The following SNTG1 variants were observed in gnomAD, a reference collection of about 807,000 sequenced individuals.
The protein encoded by SNTG1 is syntrophin gamma 1.
In SNTG1, 39 loss-of-function variants were observed where a neutral mutation model predicts 74.7. That is an observed-to-expected ratio of 0.52 (90% CI 0.40 to 0.68). The LOEUF (loss-of-function observed/expected upper bound fraction) is 0.68, where lower values mean the gene tolerates loss of function less well. Ranked by LOEUF, SNTG1 falls within the 30% of genes least tolerant of loss-of-function variation. The pLI, the probability that SNTG1 is intolerant of heterozygous loss-of-function variation, is 0.00. For synonymous variants in SNTG1, 254 were observed against 217.1 expected (o/e 1.17, Z -1.49); for missense variants, 685 against 609.5 (o/e 1.12, Z -1.30).
intron 1 of SNTG1, among the ~76,000 whole-genome samples, chr8:49,975,888 T>A (rs1258979135): frequency 6.6e-6 from 1 of 152,136 alleles, no homozygotes; most frequent in Admixed American, 6.5e-5. Flanking sequence ...TCTTCAACAT[T>A]TTTTCCTACT....
intron 13 of SNTG1, among the ~76,000 whole-genome samples, chr8:50,630,219 T>C (rs1489152618): frequency 6.6e-6 from 1 of 152,114 alleles, no homozygotes; most frequent in Non-Finnish European, 1.5e-5. Flanking sequence ...TTTCTATTAT[T>C]GAGTGATAAA....
intron 15 of SNTG1, among the ~76,000 whole-genome samples, chr8:50,676,127 T>C (rs772120680): frequency 2.6e-5 from 4 of 151,972 alleles, no homozygotes; most frequent in African/African-American, 7.2e-5. Context: ...TATCTTCTCA[T>C]AGAGTATCTT....
chr8:50,731,380 C>A (rs142763761), intron 17 of SNTG1, among the ~76,000 whole-genome samples: 2 of 152,166 alleles, frequency 1.3e-5, no homozygotes, highest in African/African-American at 2.4e-5. Flanking sequence ...GACAAATTGG[C>A]ATATTTTTTT....
intron 8 of SNTG1, among the ~76,000 whole-genome samples, chr8:50,481,889 G>A (rs2093743807): frequency 6.6e-6 from 1 of 152,128 alleles, no homozygotes; most frequent in Admixed American, 6.5e-5. Context: ...TCAGTTTTGT[G>A]ATTTCTGCAG....
intron 2 of SNTG1, among the ~76,000 whole-genome samples, chr8:50,264,149 C>T (rs1292372513): frequency 6.6e-6 from 1 of 152,132 alleles, no homozygotes; most frequent in Non-Finnish European, 1.5e-5. Context: ...AATTAAAACA[C>T]TGCATACCAA....
chr8:50,030,381 C>T (rs901069617), intron 1 of SNTG1, among the ~76,000 whole-genome samples: 3 of 151,926 alleles, frequency 2.0e-5, no homozygotes, highest in Non-Finnish European at 4.4e-5. Flanking sequence ...GCCTTGGTCG[C>T]TGTGCTTTTG....
chr8:50,136,752 G>T (rs193064109), intron 1 of SNTG1, among the ~76,000 whole-genome samples: 12 of 152,098 alleles, frequency 7.9e-5, no homozygotes, highest in South Asian at 2.1e-4. Flanking sequence ...GACTTACCTT[G>T]TGTAAAAGGA....
At chr8:50,736,270 A>T (rs548406924) in intron 17 of SNTG1, among the ~76,000 whole-genome samples, 1 of 152,204 alleles carries the variant, frequency 6.6e-6, no homozygotes, top group South Asian at 2.1e-4. Flanking sequence ...CACACCTAAC[A>T]ATATAAACCT....
rs889360393 is a variant in SNTG1, at chr8:50,737,044, A to G, written c.1285-14957A>G. On this transcript the variant is annotated intron_variant, in intron 17 of 18. Coordinates refer to ENST00000642720, the MANE Select transcript of SNTG1 (RefSeq NM_018967.5). ...AAACAAATTCAAAAGCTAGCAGAACACAAGAAAAAACTCAAATCAGAGCAG... is the reference window on the plus strand; with the variant it reads ...AAACAAATTCAAAAGCTAGCAGAACGCAAGAAAAAACTCAAATCAGAGCAG... 7.9e-5 allele frequency among the ~76,000 whole-genome samples: 12 copies of G among 152,000 alleles called. 1 individual carries two copies. The highest frequency in any genetic ancestry group is 2.9e-4 in the African/African-American group (12 of 41,410).
At chr8:50,391,664 A>G (rs896343567) in intron 2 of SNTG1, among the ~76,000 whole-genome samples, 1 of 151,982 alleles carries the variant, frequency 6.6e-6, no homozygotes, top group African/African-American at 2.4e-5. Flanking sequence ...TCCTCTTTGT[A>G]CCTCTGGTAG....
At chr8:49,964,612 CCTT>C (rs763325411) in intron 1 of SNTG1, among the ~76,000 whole-genome samples, 4 of 152,166 alleles carry the variant, frequency 2.6e-5, no homozygotes, top group Non-Finnish European at 4.4e-5. Context: ...TTGGATTAGT[CCTT>C]CTTTCTTCCC....
chr8:50,161,566 T>C (rs1036420030), intron 1 of SNTG1, among the ~76,000 whole-genome samples: 13 of 152,186 alleles, frequency 8.5e-5, no homozygotes, highest in Admixed American at 2.6e-4. Context: ...GAGGACCTGA[T>C]AGTGTGTGGT....
intron 17 of SNTG1, among the ~76,000 whole-genome samples, chr8:50,738,435 C>G (rs1388280577): frequency 1.3e-5 from 2 of 152,098 alleles, no homozygotes; most frequent in African/African-American, 2.4e-5. Context: ...GAAAAACATC[C>G]ATGCTCATGA....
intron 13 of SNTG1, among the ~76,000 whole-genome samples, chr8:50,638,178 A>G (rs2095050907): frequency 6.6e-6 from 1 of 152,066 alleles, no homozygotes; most frequent in African/African-American, 2.4e-5. Context: ...AAACAAAAAG[A>G]GATGGACTCA....
At chr8:49,935,202 AGTGTGTGTGTGTGTGTGTGTGT>A (rs140067006) in intron 1 of SNTG1, among the ~76,000 whole-genome samples, 2 of 133,768 alleles carry the variant, frequency 1.5e-5, no homozygotes, top group Non-Finnish European at 3.2e-5. Flanking sequence ...GCCAAGCAGA[AGTGTGTGTGTGTGTGTGTGTGT>A]GTGTGTGTGT....
At chr8:50,024,376 T>C (rs1201677302) in intron 1 of SNTG1, among the ~76,000 whole-genome samples, 1 of 152,182 alleles carries the variant, frequency 6.6e-6, no homozygotes, top group Non-Finnish European at 1.5e-5. Flanking sequence ...CAAGACGGCA[T>C]TAGTCACTTA....
At chr8:50,263,147 G>A (rs1215795389) in intron 2 of SNTG1, among the ~76,000 whole-genome samples, 3 of 152,158 alleles carry the variant, frequency 2.0e-5, no homozygotes, top group Non-Finnish European at 4.4e-5. Flanking sequence ...TCAATTTTAA[G>A]AAATGTACCA....
At chr8:50,588,531 C>A (rs1302005030) in intron 12 of SNTG1, among the ~76,000 whole-genome samples, 1 of 152,078 alleles carries the variant, frequency 6.6e-6, no homozygotes, top group African/African-American at 2.4e-5. Flanking sequence ...GATTATATTA[C>A]CCTAATACAC....
At chr8:50,201,331 A>T (rs1203816740) in intron 2 of SNTG1, among the ~76,000 whole-genome samples, 2 of 152,058 alleles carry the variant, frequency 1.3e-5, no homozygotes, top group Non-Finnish European at 1.5e-5. Context: ...ATAATTTAAT[A>T]TTTAAAACTG....
Sources: allele counts gnomAD v4.1 joint callset (sites outside exome capture counted in the v4.1 genomes callset), GRCh38; gene constraint gnomAD v4.1.1; transcripts MANE v1.5; gene names NCBI Gene and HGNC (gene_info 2026-07-23, HGNC 2026-07-21).